The following TMEM236 variants were observed in gnomAD, a reference collection of about 807,000 sequenced individuals.
TMEM236 encodes the protein transmembrane protein 236, also known as family with sequence similarity 23, member A.
TMEM236 carries 11 observed loss-of-function variants against 14.7 expected under a neutral mutation model. That is an observed-to-expected ratio of 0.75 (90% CI 0.47 to 1.24). The LOEUF is 1.24. Ranked by LOEUF, TMEM236 falls within the 50% of genes most tolerant of loss-of-function variation. TMEM236 has a pLI of 0.00. For synonymous variants in TMEM236, 182 were observed against 168.6 expected (o/e 1.08, Z -0.62); for missense variants, 464 against 427.3 (o/e 1.09, Z -0.76).
chr10:17,754,008 A>T (rs912000840), intron 1 of TMEM236, among the ~76,000 whole-genome samples: 1,548 of 152,246 alleles, frequency 0.01, 28 homozygotes, highest in African/African-American at 0.034. Flanking sequence ...ATCTTCCTTA[A>T]TTTTTCTACA....
At chr10:17,791,893 G>A (rs1837931250) in intron 3 of TMEM236, among the ~76,000 whole-genome samples, 1 of 152,132 alleles carries the variant, frequency 6.6e-6, no homozygotes, top group Non-Finnish European at 1.5e-5. Context: ...CAGTCATGAA[G>A]CTATGAGCTA....
intron 3 of TMEM236, among the ~76,000 whole-genome samples, chr10:17,794,732 TA>T (rs1328409318): frequency 1.3e-5 from 2 of 152,266 alleles, no homozygotes; most frequent in East Asian, 3.9e-4. Flanking sequence ...TATGAATCTC[TA>T]GTGGTCAAAC....
intron 3 of TMEM236, among the ~76,000 whole-genome samples, chr10:17,786,177 G>A (rs952933241): frequency 6.6e-6 from 1 of 152,148 alleles, no homozygotes; most frequent in Non-Finnish European, 1.5e-5. Flanking sequence ...ATTTCAGGGA[G>A]ACTGATAGGA....
chr10:17,754,014 C>G (rs1837246958), intron 1 of TMEM236, among the ~76,000 whole-genome samples: 2 of 152,170 alleles, frequency 1.3e-5, no homozygotes, highest in African/African-American at 2.4e-5. Flanking sequence ...CTTAATTTTT[C>G]TACAGTCATT....
intron 3 of TMEM236, among the ~76,000 whole-genome samples, chr10:17,777,384 C>T (rs1304055199): frequency 6.6e-6 from 1 of 152,228 alleles, no homozygotes; most frequent in Admixed American, 6.5e-5. Context: ...TTGTCTTAAA[C>T]TCAGGAGAGT....
chr10:17,783,757 C>T (rs1357917640), intron 3 of TMEM236, among the ~76,000 whole-genome samples: 1 of 152,222 alleles, frequency 6.6e-6, no homozygotes, highest in African/African-American at 2.4e-5. Flanking sequence ...CCTTGCAACA[C>T]TGGAAATTTA....
At chr10:17,794,670 T>A (rs968737698) in intron 3 of TMEM236, among the ~76,000 whole-genome samples, 1 of 152,144 alleles carries the variant, frequency 6.6e-6, no homozygotes, top group Admixed American at 6.6e-5. Context: ...ACTTCTAGAA[T>A]CTTTGCAAAA....
At chr10:17,791,749 C>G (rs1482004651) in intron 3 of TMEM236, among the ~76,000 whole-genome samples, 1 of 152,206 alleles carries the variant, frequency 6.6e-6, no homozygotes, top group African/African-American at 2.4e-5. Context: ...GCTTAACTGT[C>G]AGGTCTCAGA....
chr10:17,792,622 G>A (rs1837944476), intron 3 of TMEM236, among the ~76,000 whole-genome samples: 1 of 152,116 alleles, frequency 6.6e-6, no homozygotes, highest in Non-Finnish European at 1.5e-5. Flanking sequence ...CATTTTCTTG[G>A]TCATTTAGCT....
Position 17,776,879 on chromosome 10 carries a change from T to C in TMEM236, c.472+709T>C, listed in dbSNP as rs1020484228. 2.6e-5 allele frequency among the ~76,000 whole-genome samples: 4 copies of C among 152,376 alleles called. No homozygotes were observed. The East Asian group carries it at 5.8e-4, about 22-fold the overall frequency. On this transcript the variant is annotated intron_variant, in intron 3 of 3. Transcript: ENST00000377495. Reference sequence around the variant, plus strand: ...CCCTTACAAAAAGATATTTTGTTAATGGAATATTTTATTTATTTAGTCGTA... The same window carrying C: ...CCCTTACAAAAAGATATTTTGTTAACGGAATATTTTATTTATTTAGTCGTA...
intron 2 of TMEM236, among the ~76,000 whole-genome samples, chr10:17,775,632 C>G (rs1269771489): frequency 6.6e-6 from 1 of 152,164 alleles, no homozygotes; most frequent in Non-Finnish European, 1.5e-5. Flanking sequence ...AAAGTCTAGC[C>G]AGAATTATCT....
chr10:17,771,753 C>T (rs901870050), intron 2 of TMEM236, among the ~76,000 whole-genome samples: 1 of 152,206 alleles, frequency 6.6e-6, no homozygotes. Context: ...GGACCACTTA[C>T]ATTTTAATAC....
intron 1 of TMEM236, among the ~76,000 whole-genome samples, chr10:17,762,624 CAT>C (rs1484069348): frequency 5.2e-5 from 3 of 57,390 alleles, no homozygotes; most frequent in Non-Finnish European, 8.9e-5. Context: ...TATATACACA[CAT>C]ACATATATAT....
intron 3 of TMEM236, among the ~76,000 whole-genome samples, chr10:17,792,156 C>T (rs1437389969): frequency 6.6e-6 from 1 of 152,108 alleles, no homozygotes; most frequent in Admixed American, 6.6e-5. Context: ...GGTGCAATCT[C>T]GGCTCACTGC....
chr10:17,770,720 C>G (rs1837557334), intron 1 of TMEM236, among the ~76,000 whole-genome samples: 1 of 152,130 alleles, frequency 6.6e-6, no homozygotes, highest in Admixed American at 6.5e-5. Context: ...ATACTATTTT[C>G]TACATATTAT....
chr10:17,761,963 C>G (rs1474141216), intron 1 of TMEM236, among the ~76,000 whole-genome samples: 1 of 152,142 alleles, frequency 6.6e-6, no homozygotes. Context: ...ATATAGCTCT[C>G]TTTCTCATCC....
At chr10:17,761,226 T>C (rs953303348) in intron 1 of TMEM236, among the ~76,000 whole-genome samples, 6 of 152,138 alleles carry the variant, frequency 3.9e-5, no homozygotes, top group Non-Finnish European at 7.4e-5. Context: ...TCAAATCCAG[T>C]GTCAGACCTG....
At chr10:17,783,831 C>A (rs959992084) in intron 3 of TMEM236, among the ~76,000 whole-genome samples, 1 of 151,950 alleles carries the variant, frequency 6.6e-6, no homozygotes, top group Non-Finnish European at 1.5e-5. Context: ...GTTGTGTTTG[C>A]CCTCTTCTCA....
At chr10:17,768,072 C>T (rs1328361493) in intron 1 of TMEM236, among the ~76,000 whole-genome samples, 4 of 134,362 alleles carry the variant, frequency 3.0e-5, no homozygotes, top group Non-Finnish European at 3.1e-5. Flanking sequence ...CACCACACCT[C>T]GCTAATTTTT....
Sources: allele counts gnomAD v4.1 joint callset (sites outside exome capture counted in the v4.1 genomes callset), GRCh38; gene constraint gnomAD v4.1.1; transcripts MANE v1.5; gene names NCBI Gene and HGNC (gene_info 2026-07-23, HGNC 2026-07-21).